The following ADGRL2 variants were observed in gnomAD, a reference collection of about 807,000 sequenced individuals.
ADGRL2 encodes the protein calcium-independent alpha-latrotoxin receptor 2.
Under a neutral mutation model 157.4 loss-of-function variants are expected in ADGRL2, and 44 were observed. The ratio of observed to expected loss-of-function variants is 0.28; its 90% confidence interval spans 0.22 to 0.36. The LOEUF (loss-of-function observed/expected upper bound fraction) is 0.36. ADGRL2 is among the 10% of genes least tolerant of loss of function. ADGRL2 has a pLI of 1.00. For synonymous variants in ADGRL2, 585 were observed against 624.7 expected, an observed-to-expected ratio of 0.94 and a Z score of 0.95; for missense variants, 1,510 against 1,768.9, an observed-to-expected ratio of 0.85 and a Z score of 2.63.
intron 1 of ADGRL2, among the ~76,000 whole-genome samples, chr1:81,753,188 G>GT (rs1438504714): frequency 6.6e-6 from 1 of 152,176 alleles, no homozygotes; most frequent in Non-Finnish European, 1.5e-5. Flanking sequence ...AAAGAAAGAG[G>GT]TTTAATTGGA....
intron 1 of ADGRL2, among the ~76,000 whole-genome samples, chr1:81,815,865 G>T (rs1284137570): frequency 6.6e-6 from 1 of 151,602 alleles, no homozygotes; most frequent in East Asian, 1.9e-4. Context: ...TGATTATTTA[G>T]GTTAATATTA....
chr1:81,494,471 TAC>T (rs71817971), intron 2 of ADGRL2, among the ~76,000 whole-genome samples: 12,898 of 152,158 alleles, frequency 0.085, 797 homozygotes, highest in East Asian at 0.29. Flanking sequence ...GGATAAATAA[TAC>T]AGTCACAAAA....
At position 81,349,234 on chromosome 1, in the gene ADGRL2, A is replaced by AAG. The variant is rs1662698696; in HGVS notation, c.-302+42725_-302+42726insAG. Among the ~76,000 whole-genome samples, 3 of 152,128 alleles carry AAG rather than the reference A, an allele frequency of 2.0e-5. No homozygotes were observed. In the South Asian group the frequency reaches 6.2e-4, roughly 32 times the overall value. ...CAGGGCAGTCTGCATTCCTCACTCT[A>AAG]CAGCACTAAAGAGGTGTCTGCTTGT... On this transcript the variant is annotated intron_variant, in intron 1 of 24. Coordinates refer to the ADGRL2 transcript ENST00000370721.
At chr1:81,563,622 T>C (rs2080494277) in intron 2 of ADGRL2, among the ~76,000 whole-genome samples, 2 of 151,970 alleles carry the variant, frequency 1.3e-5, no homozygotes, top group Middle Eastern at 3.4e-3. Context: ...AAAAACTCAC[T>C]CTTTTTTTGT....
At chr1:81,564,353 G>C (rs756869709) in intron 2 of ADGRL2, among the ~76,000 whole-genome samples, 3 of 152,218 alleles carry the variant, frequency 2.0e-5, no homozygotes, top group Non-Finnish European at 4.4e-5. Context: ...CTGCTATCCA[G>C]GTGACCACGA....
chr1:81,560,940 C>G (rs1020629329), intron 2 of ADGRL2, among the ~76,000 whole-genome samples: 21 of 152,146 alleles, frequency 1.4e-4, no homozygotes, highest in African/African-American at 4.8e-4. Context: ...CTTGAATGCA[C>G]CAGACACAAT....
intron 1 of ADGRL2, among the ~76,000 whole-genome samples, chr1:81,307,332 C>T (rs1342951154): frequency 3.3e-5 from 5 of 152,124 alleles, no homozygotes; most frequent in Non-Finnish European, 5.9e-5. Flanking sequence ...AATTCCTGGG[C>T]TTACGTTACT....
intron 1 of ADGRL2, among the ~76,000 whole-genome samples, chr1:81,413,399 AT>A (rs1450320931): frequency 6.6e-6 from 1 of 152,214 alleles, no homozygotes; most frequent in African/African-American, 2.4e-5. Context: ...AGGAAAAAAA[AT>A]GTTTTTGTCA....
chr1:81,374,978 G>A (rs2076224635), intron 1 of ADGRL2, among the ~76,000 whole-genome samples: 1 of 152,184 alleles, frequency 6.6e-6, no homozygotes. Context: ...TGAGACCACG[G>A]CTGGGTGAGA....
At chr1:81,679,920 C>A (rs1323689586) in intron 3 of ADGRL2, among the ~76,000 whole-genome samples, 2 of 152,158 alleles carry the variant, frequency 1.3e-5, no homozygotes, top group Non-Finnish European at 2.9e-5. Flanking sequence ...AAGAGCATTT[C>A]TTTCAGTCTT....
chr1:81,685,897 T>A (rs2083219155), intron 3 of ADGRL2, among the ~76,000 whole-genome samples: 1 of 152,102 alleles, frequency 6.6e-6, no homozygotes, highest in Non-Finnish European at 1.5e-5. Context: ...GATGATCATG[T>A]GATTTTTTGT....
At chr1:81,872,563 A>G (rs1261419594) in intron 2 of ADGRL2, among the ~76,000 whole-genome samples, 1 of 152,140 alleles carries the variant, frequency 6.6e-6, no homozygotes, top group Non-Finnish European at 1.5e-5. Context: ...AGTCTCTCTG[A>G]TAACCAGAGA....
At chr1:81,888,450 A>AT (rs1176811737) in intron 2 of ADGRL2, among the ~76,000 whole-genome samples, 3 of 151,886 alleles carry the variant, frequency 2.0e-5, no homozygotes, top group East Asian at 1.9e-4. Context: ...TTATTTATTT[A>AT]TTTTTTTGAG....
chr1:81,875,097 A>G (rs917929496), intron 2 of ADGRL2, among the ~76,000 whole-genome samples: 8 of 152,018 alleles, frequency 5.3e-5, no homozygotes, highest in African/African-American at 1.9e-4. Context: ...TAGGCTGCAC[A>G]CTCTTTCTCC....
intron 2 of ADGRL2, among the ~76,000 whole-genome samples, chr1:81,795,190 G>A (rs1389821732): frequency 6.6e-6 from 1 of 151,992 alleles, no homozygotes; most frequent in African/African-American, 2.4e-5. Flanking sequence ...ACCAGCCTGG[G>A]CAACATAGGG....
At chr1:81,785,686 C>T (rs954472870) in intron 2 of ADGRL2, among the ~76,000 whole-genome samples, 10 of 151,848 alleles carry the variant, frequency 6.6e-5, no homozygotes, top group African/African-American at 2.4e-4. Flanking sequence ...TATGATCATG[C>T]TACTGTATTC....
At chr1:81,386,128 C>A (rs1269259055) in intron 1 of ADGRL2, among the ~76,000 whole-genome samples, 3 of 152,062 alleles carry the variant, frequency 2.0e-5, no homozygotes, top group African/African-American at 7.2e-5. Context: ...GAAAAAAGTT[C>A]TATTCTTTAC....
rs557216780 is a variant in ADGRL2 at position 81,502,494 on chromosome 1, G to C, written c.-248+57405G>C. ...CAGAAGAGGCGGACCCCCATCAACC[G>C]AATCCCCATCATGGCCAAACAGATC... On this transcript the variant is annotated intron_variant, in intron 2 of 24. Coordinates refer to the ADGRL2 transcript ENST00000370721. The C allele has an allele frequency of 3.9e-4, 624 of 1,613,940 alleles. 3 individuals are homozygous for C. The Middle Eastern group carries it at 7.8e-3, about 20-fold the overall frequency.
chr1:81,437,889 A>G (rs2077437784), intron 1 of ADGRL2, among the ~76,000 whole-genome samples: 1 of 152,226 alleles, frequency 6.6e-6, no homozygotes, highest in Admixed American at 6.5e-5. Context: ...TGTATTTGAA[A>G]TCAGAAACTT....
Sources: gnomAD v4.1 joint callset for allele counts (sites outside exome capture counted in the v4.1 genomes callset) on GRCh38, gnomAD v4.1.1 for gene constraint, MANE v1.5 for transcripts, NCBI Gene and HGNC (gene_info 2026-07-23, HGNC 2026-07-21) for gene names.